Variants in GRIA3 observed in about 807,000 individuals in gnomAD.
GRIA3 encodes glutamate receptor 3.
GRIA3 carries 3 observed loss-of-function variants against 63.0 expected under a neutral mutation model. That is an observed-to-expected ratio of 0.05 (90% CI 0.02 to 0.12). The LOEUF is 0.12. GRIA3 is among the 10% of genes least tolerant of loss of function. GRIA3 has a pLI of 1.00. For synonymous variants in GRIA3, 274 were observed against 257.9 expected, an observed-to-expected ratio of 1.06 and a Z score of -0.60; for missense variants, 347 against 700.9, an observed-to-expected ratio of 0.50 and a Z score of 5.70.
At chrX:123,306,111 T>C (rs978524358) in intron 3 of GRIA3, among the ~76,000 whole-genome samples, 13 of 112,323 alleles carry the variant, frequency 1.2e-4, no homozygotes, top group African/African-American at 4.2e-4. Flanking sequence ...TAAGTTCTTT[T>C]CTTATTCATC....
intron 12 of GRIA3, among the ~76,000 whole-genome samples, chrX:123,438,813 C>T (rs906350976): frequency 2.7e-5 from 3 of 112,847 alleles, no homozygotes; most frequent in African/African-American, 9.7e-5. Context: ...TCTGCTATAA[C>T]TTTCTAAAAG....
chrX:123,316,464 G>A (rs2044831992), intron 3 of GRIA3, among the ~76,000 whole-genome samples: 1 of 112,008 alleles, frequency 8.9e-6, no homozygotes, highest in Non-Finnish European at 1.9e-5. Flanking sequence ...CTTTCTGGAG[G>A]GCAATCTGGC....
intron 3 of GRIA3, among the ~76,000 whole-genome samples, chrX:123,300,596 C>T (rs752500130): frequency 6.6e-5 from 7 of 106,489 alleles, no homozygotes; most frequent in African/African-American, 1.0e-4. Context: ...AATCCAGCTC[C>T]GGGATTCATT....
In GRIA3 at chrX:123,423,929, G is replaced by A. The variant is rs1403683911; in HGVS notation, c.1878-4012G>A. Among the ~76,000 whole-genome samples, 3 of 111,640 alleles carry A rather than the reference G, an allele frequency of 2.7e-5. No individual in the cohort carries two copies. In the Admixed American group the frequency reaches 2.9e-4, roughly 11 times the overall value. Reference sequence around the variant, plus strand: ...ACAAGAGCATTGTATATTATTTGATGTACGTATTTTGCAGTGCTTTTTATA... The same window carrying A: ...ACAAGAGCATTGTATATTATTTGATATACGTATTTTGCAGTGCTTTTTATA... On this transcript the variant is annotated intron_variant, in intron 11 of 15. Transcript: ENST00000620443.
At chrX:123,341,250 A>G (rs1327495863) in intron 4 of GRIA3, among the ~76,000 whole-genome samples, 1 of 112,165 alleles carries the variant, frequency 8.9e-6, no homozygotes, top group Non-Finnish European at 1.9e-5. Flanking sequence ...ACAAAAAAGC[A>G]ATTTCAAATG....
intron 5 of GRIA3, among the ~76,000 whole-genome samples, chrX:123,366,234 C>T (rs998881034): frequency 7.2e-5 from 8 of 111,197 alleles, no homozygotes; most frequent in African/African-American, 2.6e-4. Flanking sequence ...GGAATGCAGC[C>T]CAGTAGGTCT....
intron 2 of GRIA3, among the ~76,000 whole-genome samples, chrX:123,209,977 G>A (rs1391051039): frequency 1.8e-5 from 2 of 109,953 alleles, no homozygotes; most frequent in Non-Finnish European, 3.8e-5. Context: ...GGGTTTTACC[G>A]TGATTTTGTT....
At chrX:123,426,032 C>T (rs777059106) in intron 11 of GRIA3, among the ~76,000 whole-genome samples, 2 of 110,611 alleles carry the variant, frequency 1.8e-5, no homozygotes, top group Non-Finnish European at 3.8e-5. Flanking sequence ...CTTGATTTGC[C>T]GGCTCTCAGC....
At position 123,296,345 on chromosome X, in the gene GRIA3, C is replaced by T. The variant is rs1423887254; in HGVS notation, c.509-29681C>T. Among the ~76,000 whole-genome samples the T allele has an allele frequency of 3.6e-5, 4 of 110,122 alleles. No individual in the cohort carries two copies. In the Admixed American group the frequency reaches 3.9e-4, roughly 11 times the overall value. ...GTTAATTTACTTTGAGAAACATATG[C>T]AAAAAAAAGTCTAGGATGTTGTTTT... On this transcript the variant is annotated intron_variant, in intron 3 of 15. Coordinates refer to ENST00000620443, the MANE Select transcript of GRIA3 (RefSeq NM_007325.5).
intron 2 of GRIA3, among the ~76,000 whole-genome samples, chrX:123,211,131 G>C (rs1243594601): frequency 1.8e-5 from 2 of 111,784 alleles, no homozygotes; most frequent in Admixed American, 9.5e-5. Flanking sequence ...TAATGCTTTA[G>C]TGAACCCTTG....
At chrX:123,315,704 T>A (rs2044826463) in intron 3 of GRIA3, among the ~76,000 whole-genome samples, 1 of 112,195 alleles carries the variant, frequency 8.9e-6, no homozygotes, top group South Asian at 3.7e-4. Flanking sequence ...TCTTTACTTC[T>A]GTCTCAGAAA....
intron 2 of GRIA3, among the ~76,000 whole-genome samples, chrX:123,195,554 G>A (rs927469910): frequency 1.8e-5 from 2 of 111,647 alleles, no homozygotes; most frequent in African/African-American, 6.5e-5. Context: ...AATAGGGAGT[G>A]GTGGGGCCTA....
chrX:123,376,710 T>C (rs2045286543), intron 5 of GRIA3, among the ~76,000 whole-genome samples: 1 of 111,325 alleles, frequency 9.0e-6, no homozygotes, highest in African/African-American at 3.3e-5. Context: ...GTGTTATTTA[T>C]ATAGAGAGAT....
chrX:123,315,586 G>C (rs778035790), intron 3 of GRIA3, among the ~76,000 whole-genome samples: 2 of 112,096 alleles, frequency 1.8e-5, no homozygotes, highest in East Asian at 5.6e-4. Flanking sequence ...TGAAGTACTG[G>C]CTCTGAGTTC....
chrX:123,289,804 C>T (rs1463640708), intron 3 of GRIA3, among the ~76,000 whole-genome samples: 1 of 110,764 alleles, frequency 9.0e-6, no homozygotes, highest in Non-Finnish European at 1.9e-5. Context: ...TCCATTTGGA[C>T]TGAGACATTT....
chrX:123,260,951 C>T (rs2044456864), intron 3 of GRIA3, among the ~76,000 whole-genome samples: 1 of 111,556 alleles, frequency 9.0e-6, no homozygotes, highest in Non-Finnish European at 1.9e-5. Flanking sequence ...GTACATTTGT[C>T]TGTAATGAGA....
chrX:123,373,570 A>G (rs778665355), intron 5 of GRIA3, among the ~76,000 whole-genome samples: 78 of 111,834 alleles, frequency 7.0e-4, no homozygotes, highest in Middle Eastern at 4.6e-3. Context: ...ATGGTATCTC[A>G]TTGTGGTTTG....
intron 3 of GRIA3, among the ~76,000 whole-genome samples, chrX:123,319,623 G>T (rs1227898928): frequency 7.2e-5 from 8 of 111,467 alleles, no homozygotes; most frequent in Non-Finnish European, 5.7e-5. Flanking sequence ...ATCTGGGTTT[G>T]CTTCCCACAT....
chrX:123,306,302 G>A (rs748218742), intron 3 of GRIA3, among the ~76,000 whole-genome samples: 1 of 111,681 alleles, frequency 9.0e-6, no homozygotes, highest in African/African-American at 3.3e-5. Context: ...CAAACACAAG[G>A]CTCAGAGAGC....
Sources: allele counts gnomAD v4.1 joint callset (sites outside exome capture counted in the v4.1 genomes callset), GRCh38; gene constraint gnomAD v4.1.1; transcripts MANE v1.5; gene names NCBI Gene and HGNC (gene_info 2026-07-23, HGNC 2026-07-21).